Variants in ANKRD11 observed in about 807,000 individuals in gnomAD.
ANKRD11 encodes the protein ankyrin repeat domain 11.
Under a neutral mutation model 195.7 loss-of-function variants are expected in ANKRD11, and 17 were observed. The ratio of observed to expected loss-of-function variants is 0.09; its 90% CI spans 0.06 to 0.13. The LOEUF (loss-of-function observed/expected upper bound fraction) is 0.13. Ranked by LOEUF, ANKRD11 falls within the 10% of genes least tolerant of loss-of-function variation. ANKRD11 has a pLI of 1.00. For synonymous variants in ANKRD11, 1,953 were observed against 1,528.1 expected, an observed-to-expected ratio of 1.28 and a Z score of -6.49; for missense variants, 3,735 against 3,566.1, an observed-to-expected ratio of 1.05 and a Z score of -1.21.
At chr16:89,372,240 A>T (rs557917219) in intron 2 of ANKRD11, among the ~76,000 whole-genome samples, 1 of 152,348 alleles carries the variant, frequency 6.6e-6, no homozygotes, top group Admixed American at 6.5e-5. Context: ...GGAAAGAGCC[A>T]CACGTCCTCC....
Position 89,279,391 on chromosome 16 carries a change from G to A in ANKRD11, c.7151C>T (p.Pro2384Leu). The A allele has an allele frequency of 1.9e-6, 3 of 1,562,000 alleles. No individual in the cohort carries two copies. The highest frequency in any genetic ancestry group is 2.6e-6 in the Non-Finnish European group (3 of 1,156,250). ...GGAGCGCTGAAAGCGGCGTTTGCGC[G>A]GATGCTGGGCCTGGGCGTCGTCGTC... Reference protein sequence around the residue: ...SEDDDAQAQHPRKRRFQRSTQ... With the variant: ...SEDDDAQAQHLRKRRFQRSTQ... Residue 2384 changes from proline (P) to leucine (L), a missense_variant, in exon 9 of 13, where the codon CCG becomes CTG. Pro to Leu is a moderately conservative substitution (Grantham distance 98, BLOSUM62 -3). Coordinates refer to ENST00000301030, the MANE Select transcript of ANKRD11 (RefSeq NM_013275.6). The surrounding 1 kb of genome is among the most constrained non-coding windows in gnomAD (Gnocchi z 5.6).
rs547613562 is a variant in ANKRD11 at position 89,313,296 on chromosome 16, G to A, written c.87+3637C>T. The stretch of plus-strand genomic sequence containing the variant: ...GGACCCATGGGGTGGGGACGACACT[G>A]TTCTCTGTAGCCCTGCACACCTTTG... On this transcript the variant is annotated intron_variant, in intron 3 of 12. Coordinates refer to ENST00000301030, the MANE Select transcript of ANKRD11 (RefSeq NM_013275.6). The A allele has an allele frequency of 1.8e-4, 230 of 1,285,246 alleles. No homozygotes were observed. In the African/African-American group the frequency reaches 3.3e-3, roughly 18 times the overall value. 79.6% of individuals were successfully genotyped at this position (1,285,246 alleles called of 1,614,324 possible). A position where few individuals can be genotyped will look rare whatever the true frequency, so the allele number is the denominator to read the frequency against.
chr16:89,472,036 C>A (rs572298172), intron 1 of ANKRD11, among the ~76,000 whole-genome samples: 1 of 152,206 alleles, frequency 6.6e-6, no homozygotes, highest in East Asian at 1.9e-4. Context: ...CCATCCTTGA[C>A]CCTCAGGTGA....
chr16:89,432,104 C>T (rs1345171402), intron 1 of ANKRD11, among the ~76,000 whole-genome samples: 2 of 152,164 alleles, frequency 1.3e-5, no homozygotes, highest in Non-Finnish European at 2.9e-5. Context: ...CAGCCACACA[C>T]ACCATCAACT....
intron 1 of ANKRD11, chr16:89,431,227 G>A (rs2042963825): frequency 6.6e-6 from 1 of 152,404 alleles, no homozygotes; most frequent in African/African-American, 2.4e-5. Flanking sequence ...GCCGGTGCGT[G>A]CGACTGGATG....
intron 3 of ANKRD11, 110 bp from the exon 4 acceptor site, chr16:89,305,454 C>A: frequency 6.9e-7 from 1 of 1,458,476 alleles, no homozygotes; most frequent in Non-Finnish European, 9.4e-7. Flanking sequence ...GGGCAATGAA[C>A]ACCCTCCCTG....
At chr16:89,329,224 G>A (rs2037917195) in intron 2 of ANKRD11, among the ~76,000 whole-genome samples, 1 of 152,228 alleles carries the variant, frequency 6.6e-6, no homozygotes, top group Non-Finnish European at 1.5e-5. Context: ...CTGTCGAGGA[G>A]GCTCTAGGAC....
chr16:89,369,772 G>A (rs776650692), intron 2 of ANKRD11, among the ~76,000 whole-genome samples: 2 of 152,200 alleles, frequency 1.3e-5, no homozygotes, highest in Non-Finnish European at 2.9e-5. Flanking sequence ...TAAGACCAGA[G>A]GGTTTCATCA....
At chr16:89,422,931 G>A (rs1218374934) in intron 1 of ANKRD11, among the ~76,000 whole-genome samples, 9 of 150,320 alleles carry the variant, frequency 6.0e-5, no homozygotes, top group Admixed American at 2.0e-4. Flanking sequence ...TTTTCAATCA[G>A]GAGATCTACA....
At position 89,283,721 on chromosome 16, in the gene ANKRD11, T is replaced by G. The variant is rs773484351; in HGVS notation, c.2821A>C (p.Arg941=). The change falls in exon 9 of 13, where the codon AGG becomes CGG. Residue 941 remains arginine (R), a synonymous_variant. Coordinates refer to ENST00000301030, the MANE Select transcript of ANKRD11 (RefSeq NM_013275.6). This position sits in a 1 kb window ranked among gnomAD's most constrained non-coding sequence, Gnocchi z 4.3. ...PGYLSEKDKK[R]RESAEAGRDR... ...CGCCCGGCCTCTGCGGACTCTCTCC[T>G]CTTCTTGTCCTTTTCCGAAAGGTAG... The G allele has an allele frequency of 6.2e-7, 1 of 1,613,774 alleles. No individual in the cohort carries two copies. The highest frequency in any genetic ancestry group is 2.2e-5 in the East Asian group (1 of 44,904).
chr16:89,343,880 C>G (rs1047920615), intron 2 of ANKRD11: 3 of 152,276 alleles, frequency 2.0e-5, no homozygotes, highest in Non-Finnish European at 4.4e-5. Flanking sequence ...CATGGACCAA[C>G]AGAGTAGGGA....
chr16:89,406,241 G>C (rs900925356), intron 2 of ANKRD11, among the ~76,000 whole-genome samples: 2 of 152,054 alleles, frequency 1.3e-5, no homozygotes, highest in Admixed American at 1.3e-4. Flanking sequence ...GGGGCTCTCT[G>C]AGAGTCGGCA....
chr16:89,417,695 C>T (rs1014523842), intron 2 of ANKRD11, among the ~76,000 whole-genome samples: 2 of 152,062 alleles, frequency 1.3e-5, no homozygotes, highest in South Asian at 2.1e-4. Flanking sequence ...CAGGACAGCC[C>T]GGCGAGACCA....
chr16:89,376,232 T>TTA (rs1483191629), intron 2 of ANKRD11, among the ~76,000 whole-genome samples: 1 of 152,092 alleles, frequency 6.6e-6, no homozygotes, highest in African/African-American at 2.4e-5. Context: ...AGTGAAGCCA[T>TTA]TATACAACAA....
In ANKRD11 at chr16:89,282,113, G is replaced by A. The variant is rs199761925; in HGVS notation, c.4429C>T (p.Arg1477Trp). Residue 1477 changes from arginine (R) to tryptophan (W), a missense_variant, in exon 9 of 13, where the codon CGG (arginine) becomes TGG (tryptophan). By Grantham distance (101) the Arg-to-Trp change is moderately radical (BLOSUM62 -3). Coordinates refer to ENST00000301030, the MANE Select transcript of ANKRD11 (RefSeq NM_013275.6). ...AGCAGCCCATCCGCATGCCTGTCCC[G>A]GTGCCTCTCCTTCTCGTCTCTCCAT... Reference protein sequence around the residue: ...EKWRDEKERHRDRHADGLLRH... With the variant: ...EKWRDEKERHWDRHADGLLRH... The A allele has an allele frequency of 5.6e-6, 9 of 1,613,784 alleles. No homozygotes were observed. Among genetic ancestry groups the A allele is most frequent in the South Asian group, 2.2e-5 (2 of 91,080 alleles).
intron 2 of ANKRD11, among the ~76,000 whole-genome samples, chr16:89,354,543 G>A (rs1247940289): frequency 6.6e-6 from 1 of 152,140 alleles, no homozygotes; most frequent in African/African-American, 2.4e-5. Flanking sequence ...CTTCTAGGCT[G>A]GAATACTCAA....
Position 89,278,414 on chromosome 16 carries a change from G to A in ANKRD11, c.7470+658C>T, listed in dbSNP as rs192844515. ...TGCTCAGAGCAGGGCCCCATTTGGAGGGATCTATTTTGGGCCCAGACGTAG... is the reference window on the plus strand; with the variant it reads ...TGCTCAGAGCAGGGCCCCATTTGGAAGGATCTATTTTGGGCCCAGACGTAG... On this transcript the variant is annotated intron_variant, in intron 9 of 12. Transcript: ENST00000301030. The A allele has an allele frequency of 9.7e-6, 4 of 413,876 alleles. No individual in the cohort carries two copies. In the East Asian group the frequency reaches 2.1e-4, roughly 22 times the overall value. 25.6% of individuals were successfully genotyped at this position (413,876 alleles called of 1,614,324 possible). A position where few individuals can be genotyped will look rare whatever the true frequency, so the allele number is the denominator to read the frequency against.
chr16:89,429,313 C>G (rs77945472), intron 1 of ANKRD11, among the ~76,000 whole-genome samples: 1 of 58,296 alleles, frequency 1.7e-5, no homozygotes, highest in African/African-American at 6.0e-5. Flanking sequence ...TCAACTCTCG[C>G]GCTCAGACGT....
intron 2 of ANKRD11, among the ~76,000 whole-genome samples, chr16:89,396,743 A>G (rs995099194): frequency 3.3e-5 from 5 of 152,170 alleles, no homozygotes; most frequent in Non-Finnish European, 5.9e-5. Flanking sequence ...CTGGAGTGCA[A>G]TGGCGCCATC....
Sources: gnomAD v4.1 joint callset for allele counts (sites outside exome capture counted in the v4.1 genomes callset) on GRCh38, gnomAD v4.1.1 for gene constraint, Gnocchi (gnomAD v3.1) non-coding constraint, MANE v1.5 for transcripts, NCBI Gene and HGNC (gene_info 2026-07-23, HGNC 2026-07-21) for gene names.